The following CSMD2 variants were observed in gnomAD, a reference collection of about 807,000 sequenced individuals.
The protein encoded by CSMD2 is CUB and sushi domain-containing protein 2.
CSMD2 carries 130 observed loss-of-function variants against 398.5 expected under a neutral mutation model. The observed-to-expected ratio is 0.33, with a 90% CI of 0.28 to 0.38. The LOEUF (loss-of-function observed/expected upper bound fraction) is 0.38. Among genes scored for constraint, CSMD2 ranks in the 10% least tolerant of loss-of-function variants. The probability of loss-of-function intolerance (pLI) is 1.00; values close to 1 mark genes in which losing one functional copy is unlikely to be tolerated. For synonymous variants in CSMD2, 1,828 were observed against 1,908.5 expected (o/e 0.96, Z 1.10); for missense variants, 3,829 against 4,764.9 (o/e 0.80, Z 5.78).
intron 7 of CSMD2, among the ~76,000 whole-genome samples, chr1:33,821,229 G>A (rs773173720): frequency 6.6e-6 from 1 of 152,200 alleles, no homozygotes; most frequent in Non-Finnish European, 1.5e-5. Context: ...GCAATGCTCT[G>A]ACACTTGCCA....
intron 56 of CSMD2, among the ~76,000 whole-genome samples, chr1:33,549,660 C>T (rs1657244071): frequency 6.6e-6 from 1 of 152,102 alleles, no homozygotes; most frequent in African/African-American, 2.4e-5. Flanking sequence ...AAGACTGTAC[C>T]CCACTAGGTA....
chr1:33,934,017 A>T (rs1644390542), intron 4 of CSMD2, among the ~76,000 whole-genome samples: 1 of 152,118 alleles, frequency 6.6e-6, no homozygotes, highest in Non-Finnish European at 1.5e-5. Flanking sequence ...CTGCCATGGG[A>T]TTGGGAAGAA....
At chr1:34,149,336 A>G (rs1571271110) in intron 1 of CSMD2, among the ~76,000 whole-genome samples, 1 of 151,670 alleles carries the variant, frequency 6.6e-6, no homozygotes, top group Non-Finnish European at 1.5e-5. Context: ...CCTCAGCCCC[A>G]CCCTCTGTAG....
intron 5 of CSMD2, among the ~76,000 whole-genome samples, chr1:33,891,940 C>T (rs1310312883): frequency 6.8e-6 from 1 of 147,600 alleles, no homozygotes; most frequent in South Asian, 2.2e-4. Context: ...AGGAGATATA[C>T]CTAATGCTAA....
At chr1:34,146,103 G>A (rs914428615) in intron 1 of CSMD2, among the ~76,000 whole-genome samples, 1 of 152,154 alleles carries the variant, frequency 6.6e-6, no homozygotes, top group African/African-American at 2.4e-5. Flanking sequence ...ACCCAGGCTG[G>A]AGTGCGATGG....
intron 1 of CSMD2, among the ~76,000 whole-genome samples, chr1:34,151,699 C>T (rs1362334568): frequency 6.6e-6 from 1 of 152,094 alleles, no homozygotes; most frequent in South Asian, 2.1e-4. Context: ...CAGGTCTCCC[C>T]ACAGACAGCA....
At chr1:33,875,877 T>C (rs917514707) in intron 5 of CSMD2, among the ~76,000 whole-genome samples, 4 of 152,190 alleles carry the variant, frequency 2.6e-5, no homozygotes, top group African/African-American at 9.7e-5. Context: ...ATTCATGATG[T>C]TGAAATGGTC....
intron 3 of CSMD2, among the ~76,000 whole-genome samples, chr1:33,956,646 C>T (rs1040962122): frequency 6.6e-6 from 1 of 152,136 alleles, no homozygotes; most frequent in African/African-American, 2.4e-5. Context: ...CACACCCACA[C>T]CATCAGTCAG....
chr1:33,648,939 C>G (rs1412271321), intron 28 of CSMD2, among the ~76,000 whole-genome samples: 1 of 152,248 alleles, frequency 6.6e-6, no homozygotes, highest in East Asian at 1.9e-4. Context: ...ATTACCAGGA[C>G]CCTCTGTTCT....
chr1:33,812,496 T>G (rs1220904355), intron 9 of CSMD2, among the ~76,000 whole-genome samples: 1 of 152,216 alleles, frequency 6.6e-6, no homozygotes, highest in East Asian at 1.9e-4. Flanking sequence ...CTCCTTTCAT[T>G]CTGTACTGAG....
At chr1:33,776,347 A>G (rs1345105370) in intron 12 of CSMD2, among the ~76,000 whole-genome samples, 1 of 152,162 alleles carries the variant, frequency 6.6e-6, no homozygotes, top group African/African-American at 2.4e-5. Flanking sequence ...TAAAGAGGGA[A>G]GAAGTGGTGG....
intron 3 of CSMD2, among the ~76,000 whole-genome samples, chr1:33,991,417 C>T (rs554291508): frequency 1.3e-5 from 2 of 152,244 alleles, no homozygotes; most frequent in South Asian, 2.1e-4. Context: ...TTTAGTTTAC[C>T]GCTGTACATC....
Position 33,586,518 on chromosome 1 carries a change from G to T in CSMD2, c.7037C>A (p.Pro2346His). 1 of 1,611,618 alleles carries T rather than the reference G, an allele frequency of 6.2e-7. No homozygotes were observed. The highest frequency in any genetic ancestry group is 1.1e-5 in the South Asian group (1 of 91,000). ...LGTYLQFEGP[P>H]PICEVHCPTN... is the part of the protein sequence containing the mutation. ...CATGCAATTACCTTCACATATCGGG[G>T]GTGGTCCTTCAAACTGCAGGTAGGT... Residue 2346 changes from proline (P) to histidine (H), a missense_variant, in exon 46 of 71, where the codon CCC (proline) becomes CAC (histidine). By Grantham distance (77) the Pro-to-His change is moderately conservative (BLOSUM62 -2). Transcript: ENST00000373381.
At chr1:34,025,623 ACCT>A (rs973245147) in intron 3 of CSMD2, among the ~76,000 whole-genome samples, 45 of 152,234 alleles carry the variant, frequency 3.0e-4, no homozygotes, top group African/African-American at 1.1e-3. Flanking sequence ...CAAATCCATG[ACCT>A]CAAAAGCCTA....
At chr1:34,129,141 C>G (rs1663065907) in intron 1 of CSMD2, among the ~76,000 whole-genome samples, 1 of 152,178 alleles carries the variant, frequency 6.6e-6, no homozygotes, top group Non-Finnish European at 1.5e-5. Flanking sequence ...CCTCCCTCCA[C>G]TAGGGTATCA....
intron 4 of CSMD2, among the ~76,000 whole-genome samples, 158 bp downstream of exon 4, chr1:33,935,602 A>C (rs77343786): frequency 0.047 from 7,103 of 152,182 alleles, 539 homozygotes; most frequent in African/African-American, 0.16. Context: ...CCCCTAGAAC[A>C]CTTGAGGACC....
chr1:33,559,227 T>A lies in CSMD2; in HGVS notation c.8554+73A>T. 2 of 1,374,930 alleles carry A rather than the reference T, an allele frequency of 1.5e-6. No individual in the cohort carries two copies. Among genetic ancestry groups the A allele is most frequent in the Non-Finnish European group, 2.0e-6 (2 of 1,017,394 alleles). The allele number at this position is 1,374,930 out of a possible 1,614,324, so 85.2% of individuals were successfully genotyped here. On this transcript the variant is annotated intron_variant, in intron 54 of 70. Transcript: ENST00000373381. This position sits in a 1 kb window ranked among gnomAD's most constrained non-coding sequence, Gnocchi z 4.0. ...TGATGCCAGAATGAATTCACTGGCT[T>A]CTTTTTCTGAGCTACAGAACCACAT...
chr1:34,070,940 A>C (rs1655672200), intron 2 of CSMD2, among the ~76,000 whole-genome samples: 3 of 152,106 alleles, frequency 2.0e-5, no homozygotes, highest in Non-Finnish European at 4.4e-5. Flanking sequence ...ACTTTGGAGG[A>C]GGGAGAAGTT....
At chr1:33,596,352 C>T (rs753029120) in intron 44 of CSMD2, among the ~76,000 whole-genome samples, 11 of 152,160 alleles carry the variant, frequency 7.2e-5, no homozygotes, top group Non-Finnish European at 1.0e-4. Context: ...ACCTAAGCTC[C>T]AGCTGCCCAT....
Sources: allele counts gnomAD v4.1 joint callset (sites outside exome capture counted in the v4.1 genomes callset), GRCh38; gene constraint gnomAD v4.1.1; non-coding constraint Gnocchi (gnomAD v3.1); transcripts MANE v1.5; gene names NCBI Gene and HGNC (gene_info 2026-07-23, HGNC 2026-07-21).